The following DIS3L2 variants were observed in gnomAD, a reference collection of about 807,000 sequenced individuals.
The protein encoded by DIS3L2 is DIS3 like 3'-5' exoribonuclease 2, also known as DIS3-like exonuclease 2.
DIS3L2 carries 34 observed loss-of-function variants against 97.5 expected under a neutral mutation model. That is an observed-to-expected ratio of 0.35 (90% confidence interval 0.27 to 0.46). The LOEUF (loss-of-function observed/expected upper bound fraction) is 0.46, where lower values mean the gene tolerates loss of function less well. Among genes scored for constraint, DIS3L2 ranks in the 20% least tolerant of loss-of-function variants. The pLI, the probability that DIS3L2 is intolerant of heterozygous loss-of-function variation, is 1.00. For synonymous variants in DIS3L2, 435 were observed against 445.2 expected, an observed-to-expected ratio of 0.98 and a Z score of 0.29; for missense variants, 1,038 against 1,146.0, an observed-to-expected ratio of 0.91 and a Z score of 1.36.
chr2:232,048,256 A>G (rs552330491), intron 5 of DIS3L2, among the ~76,000 whole-genome samples: 1 of 152,344 alleles, frequency 6.6e-6, no homozygotes, highest in Admixed American at 6.5e-5. Flanking sequence ...TTAGTCCACT[A>G]TATGAGCAGC....
chr2:232,014,798 A>T, intron 1 of DIS3L2, 37 bp from the exon 2 acceptor site: 2 of 948,740 alleles, frequency 2.1e-6, no homozygotes, highest in Non-Finnish European at 3.1e-6. Context: ...GCTACAGCTT[A>T]ACCGCTCTCC....
rs1308028353 is a variant in DIS3L2 at position 232,086,645 on chromosome 2, GTATATATATATATA to G, written c.367-840_367-827del. ...TATATATATACACATATATATATAT[GTATATATATATATA>G]TGTGTGTGTGTGTGTGTGTATATAT... On this transcript the variant is annotated intron_variant, in intron 5 of 20. Coordinates refer to ENST00000325385, the MANE Select transcript of DIS3L2 (RefSeq NM_152383.5). Among the ~76,000 whole-genome samples the G allele has an allele frequency of 1.2e-4, 6 of 51,238 alleles. 1 individual carries two copies. Among genetic ancestry groups the G allele is most frequent in the African/African-American group, 4.2e-4 (4 of 9,488 alleles). The allele number at this position is 51,238 out of a possible 152,430, so 33.6% of individuals were successfully genotyped here. A position where few individuals can be genotyped will look rare whatever the true frequency, so the allele number is the denominator to read the frequency against.
At chr2:232,107,158 G>C (rs530148673) in intron 6 of DIS3L2, among the ~76,000 whole-genome samples, 1 of 152,242 alleles carries the variant, frequency 6.6e-6, no homozygotes, top group South Asian at 2.1e-4. Context: ...AAGCTAGAAA[G>C]ATCTCAGGTT....
At chr2:231,998,075 G>T (rs987593301) in intron 1 of DIS3L2, among the ~76,000 whole-genome samples, 1 of 152,156 alleles carries the variant, frequency 6.6e-6, no homozygotes, top group Non-Finnish European at 1.5e-5. Context: ...ATACAACAGG[G>T]ACAGTTTTTA....
At chr2:232,303,730 C>T (rs185702575) in intron 14 of DIS3L2, among the ~76,000 whole-genome samples, 1 of 152,266 alleles carries the variant, frequency 6.6e-6, no homozygotes, top group African/African-American at 2.4e-5. Context: ...CCTCCATTAA[C>T]GGGATTCAGT....
chr2:232,153,701 G>A (rs1312986398), intron 8 of DIS3L2, among the ~76,000 whole-genome samples: 3 of 140,602 alleles, frequency 2.1e-5, no homozygotes, highest in Admixed American at 7.1e-5. Context: ...TTCTCGAGGA[G>A]TATCTTTGTG....
intron 14 of DIS3L2, among the ~76,000 whole-genome samples, chr2:232,312,686 A>G (rs933671998): frequency 6.6e-6 from 1 of 152,214 alleles, no homozygotes; most frequent in African/African-American, 2.4e-5. Context: ...CCATATGTCA[A>G]TTTGGGAAAA....
intron 1 of DIS3L2, among the ~76,000 whole-genome samples, chr2:232,003,801 AAAAT>A (rs1693971629): frequency 1.3e-5 from 2 of 152,234 alleles, no homozygotes; most frequent in South Asian, 2.1e-4. Flanking sequence ...AAGACAATAA[AAAAT>A]AAGGAATCTG....
At chr2:232,088,289 G>C (rs1034181301) in intron 6 of DIS3L2, among the ~76,000 whole-genome samples, 2 of 149,560 alleles carry the variant, frequency 1.3e-5, no homozygotes, top group African/African-American at 4.9e-5. Flanking sequence ...GCTCACGCCT[G>C]TAATCCCAGC....
At chr2:232,025,882 C>G (rs13412392) in intron 4 of DIS3L2, among the ~76,000 whole-genome samples, 38,042 of 151,988 alleles carry the variant, frequency 0.25, 8,454 homozygotes, top group African/African-American at 0.6. Flanking sequence ...GTTGAAGGAA[C>G]TTGATTGTAT....
At chr2:232,071,767 T>C (rs967343018) in intron 5 of DIS3L2, among the ~76,000 whole-genome samples, 2 of 152,138 alleles carry the variant, frequency 1.3e-5, no homozygotes, top group Non-Finnish European at 2.9e-5. Flanking sequence ...CTCAAACTCC[T>C]GGGCTCAAGC....
intron 6 of DIS3L2, among the ~76,000 whole-genome samples, chr2:232,105,889 C>T (rs554551638): frequency 1.5e-4 from 23 of 152,254 alleles, no homozygotes; most frequent in African/African-American, 5.3e-4. Flanking sequence ...ATGGCTTTTC[C>T]GGCACCTTTT....
intron 9 of DIS3L2, among the ~76,000 whole-genome samples, chr2:232,185,987 T>A (rs575316337): frequency 9.8e-5 from 15 of 152,318 alleles, no homozygotes; most frequent in African/African-American, 3.6e-4. Flanking sequence ...GGTTCTTTTT[T>A]TTTAAAACTT....
At chr2:231,983,851 T>C (rs965960857) in intron 1 of DIS3L2, among the ~76,000 whole-genome samples, 4 of 149,778 alleles carry the variant, frequency 2.7e-5, no homozygotes, top group Non-Finnish European at 4.4e-5. Flanking sequence ...ATCACGCCAC[T>C]GCCCTCCAGC....
At chr2:232,290,496 A>C (rs949727931) in intron 13 of DIS3L2, among the ~76,000 whole-genome samples, 2 of 152,242 alleles carry the variant, frequency 1.3e-5, no homozygotes, top group Admixed American at 6.5e-5. Flanking sequence ...TCACCTTCAG[A>C]AGAGGAGGCG....
intron 14 of DIS3L2, among the ~76,000 whole-genome samples, chr2:232,302,066 A>G (rs973118996): frequency 2.6e-5 from 4 of 152,078 alleles, no homozygotes; most frequent in Non-Finnish European, 5.9e-5. Flanking sequence ...ATAAATATGA[A>G]TAAGTTTTGG....
At chr2:232,138,404 C>G (rs1486175278) in intron 8 of DIS3L2, among the ~76,000 whole-genome samples, 1 of 152,052 alleles carries the variant, frequency 6.6e-6, no homozygotes, top group African/African-American at 2.4e-5. Flanking sequence ...TTTTTCTCTA[C>G]CTTCTTAATA....
At chr2:231,981,640 GAC>G (rs1693265332) in intron 1 of DIS3L2, among the ~76,000 whole-genome samples, 1 of 95,596 alleles carries the variant, frequency 1.0e-5, no homozygotes, top group African/African-American at 3.4e-5. Flanking sequence ...ATATATATGA[GAC>G]ATATTTACAT....
chr2:232,137,222 C>T (rs1698384810), intron 8 of DIS3L2, among the ~76,000 whole-genome samples: 1 of 152,154 alleles, frequency 6.6e-6, no homozygotes, highest in African/African-American at 2.4e-5. Context: ...AAAAGGGTAT[C>T]ATGTTTTTGT....
Sources: gnomAD v4.1 joint callset for allele counts (sites outside exome capture counted in the v4.1 genomes callset) on GRCh38, gnomAD v4.1.1 for gene constraint, MANE v1.5 for transcripts, NCBI Gene and HGNC (gene_info 2026-07-23, HGNC 2026-07-21) for gene names.